The following SEL1L2 variants were observed in gnomAD, a reference collection of about 807,000 sequenced individuals.
The protein encoded by SEL1L2 is protein sel-1 homolog 2.
A neutral mutation model predicts 98.8 loss-of-function variants in SEL1L2; 89 were observed. That is an observed-to-expected ratio of 0.90 (90% CI 0.76 to 1.07). SEL1L2 has a LOEUF of 1.07. Ranked by LOEUF, SEL1L2 falls within the 50% of genes least tolerant of loss-of-function variation. SEL1L2 has a pLI of 0.00. For synonymous variants in SEL1L2, 262 were observed against 278.5 expected, an observed-to-expected ratio of 0.94 and a Z score of 0.59; for missense variants, 788 against 812.0, an observed-to-expected ratio of 0.97 and a Z score of 0.36.
intron 1 of SEL1L2, among the ~76,000 whole-genome samples, chr20:13,983,811 G>A (rs893230910): frequency 3.3e-5 from 5 of 151,692 alleles, no homozygotes; most frequent in African/African-American, 4.8e-5. Flanking sequence ...ATGAACCACT[G>A]TGGCCCGCCA....
chr20:13,949,532 C>T (rs1163362616), intron 2 of SEL1L2, among the ~76,000 whole-genome samples: 1 of 152,112 alleles, frequency 6.6e-6, no homozygotes, highest in Non-Finnish European at 1.5e-5. Flanking sequence ...GGCGTGGTGG[C>T]AGGTGCCTGT....
intron 2 of SEL1L2, among the ~76,000 whole-genome samples, chr20:13,934,101 C>A (rs967562511): frequency 2.0e-5 from 3 of 150,214 alleles, no homozygotes; most frequent in African/African-American, 7.3e-5. Flanking sequence ...AATTTGTAGC[C>A]TTTTATTCCT....
rs182425373 is a variant in SEL1L2 at position 13,926,191 on chromosome 20, C to T, written c.283+5412G>A. 3.2e-4 allele frequency among the ~76,000 whole-genome samples: 48 copies of T among 152,204 alleles called. No homozygotes were observed. In the East Asian group the frequency reaches 5.2e-3, roughly 17 times the overall value. On this transcript the variant is annotated intron_variant, in intron 3 of 19. Coordinates refer to ENST00000284951, the MANE Select transcript of SEL1L2 (RefSeq NM_025229.2). The stretch of plus-strand genomic sequence containing the variant: ...ATTAGCCAGGCGTGGTGCAGGCGCC[C>T]GTAGTCCCAGCTACTCAGGAGGCTG...
chr20:13,976,329 CTG>C (rs1257544632), intron 1 of SEL1L2, among the ~76,000 whole-genome samples: 1 of 151,846 alleles, frequency 6.6e-6, no homozygotes, highest in African/African-American at 2.4e-5. Context: ...TGTTGTTTGT[CTG>C]TTTTTTTAAA....
At chr20:13,923,358 A>T (rs1442881742) in intron 3 of SEL1L2, among the ~76,000 whole-genome samples, 2 of 152,228 alleles carry the variant, frequency 1.3e-5, no homozygotes, top group African/African-American at 4.8e-5. Context: ...ATTTTATTGC[A>T]TTGGGATCAG....
At chr20:13,947,051 G>C (rs945823548) in intron 2 of SEL1L2, among the ~76,000 whole-genome samples, 2 of 152,192 alleles carry the variant, frequency 1.3e-5, no homozygotes, top group South Asian at 4.1e-4. Flanking sequence ...AGGCAGACAG[G>C]CTCCTGGGTG....
rs548473105 is a variant in SEL1L2, at chr20:13,963,699, G to C, written c.59-7568C>G. On this transcript the variant is annotated intron_variant, in intron 1 of 19. Coordinates refer to ENST00000284951, the MANE Select transcript of SEL1L2 (RefSeq NM_025229.2). The stretch of plus-strand genomic sequence containing the variant: ...CCGCTGTACTCCAGCCTGGGAAACA[G>C]AGTGAGACTCCATATCAAAAATAAA... 7.2e-4 allele frequency among the ~76,000 whole-genome samples: 109 copies of C among 152,160 alleles called. 2 individuals are homozygous for C. The highest frequency in any genetic ancestry group is 1.9e-3 in the African/African-American group (77 of 41,516).
chr20:13,880,673 C>T (rs557501960), intron 10 of SEL1L2, among the ~76,000 whole-genome samples: 2 of 152,068 alleles, frequency 1.3e-5, no homozygotes, highest in African/African-American at 2.4e-5. Flanking sequence ...TAACTGAGCA[C>T]CCAACATCAT....
At chr20:13,863,100 T>C (rs1434784756) in intron 17 of SEL1L2, among the ~76,000 whole-genome samples, 2 of 152,150 alleles carry the variant, frequency 1.3e-5, no homozygotes, top group Non-Finnish European at 2.9e-5. Flanking sequence ...ATAAGAATGG[T>C]GCCCAGAAAA....
chr20:13,984,718 T>C (rs1219487205), intron 1 of SEL1L2, among the ~76,000 whole-genome samples: 1 of 152,020 alleles, frequency 6.6e-6, no homozygotes, highest in Admixed American at 6.6e-5. Flanking sequence ...TCCTCTTCTT[T>C]CCTTTTTTCT....
chr20:13,910,522 G>T (rs2048167853), intron 5 of SEL1L2, among the ~76,000 whole-genome samples: 1 of 152,140 alleles, frequency 6.6e-6, no homozygotes, highest in African/African-American at 2.4e-5. Context: ...TTTCTGGTTT[G>T]GGAACCTCTT....
At chr20:13,929,691 G>T (rs1253828384) in intron 3 of SEL1L2, among the ~76,000 whole-genome samples, 1 of 151,482 alleles carries the variant, frequency 6.6e-6, no homozygotes, top group Non-Finnish European at 1.5e-5. Flanking sequence ...TAGCAGAGAC[G>T]GGGTTTCACC....
intron 1 of SEL1L2, 67 bp from the exon 2 acceptor site, chr20:13,956,198 A>T (rs2050533297): frequency 2.6e-6 from 2 of 781,942 alleles, no homozygotes; most frequent in Non-Finnish European, 4.0e-6. Context: ...ACTAAATACA[A>T]TTTATTGTTA....
chr20:13,975,956 A>G (rs2051512268), intron 1 of SEL1L2, among the ~76,000 whole-genome samples: 1 of 152,022 alleles, frequency 6.6e-6, no homozygotes, highest in South Asian at 2.1e-4. Flanking sequence ...CCAAAGTCCC[A>G]AAGTGCTGGG....
chr20:13,983,503 T>G (rs189237703), intron 1 of SEL1L2, among the ~76,000 whole-genome samples: 2 of 152,000 alleles, frequency 1.3e-5, no homozygotes, highest in East Asian at 3.9e-4. Context: ...CACTAGCTTT[T>G]GTTTTTTGTT....
At chr20:13,954,598 T>C (rs1016068594) in intron 2 of SEL1L2, among the ~76,000 whole-genome samples, 2 of 152,196 alleles carry the variant, frequency 1.3e-5, no homozygotes, top group African/African-American at 4.8e-5. Flanking sequence ...AGAATAGTTC[T>C]TAGTTTTCTT....
rs768154220 is a variant in SEL1L2, at chr20:13,915,088, T to C, written c.387-1144A>G. On this transcript the variant is annotated intron_variant, in intron 4 of 19. Coordinates refer to ENST00000284951, the MANE Select transcript of SEL1L2 (RefSeq NM_025229.2). ...AAAAAAACCCCATAAAAATCTACCA[T>C]TGCTTCTGATTTAGGAGGATCAGGA... 4.7e-6 allele frequency: 6 copies of C among 1,269,322 alleles called. No individual in the cohort carries two copies. In the South Asian group the frequency reaches 7.7e-5, roughly 16 times the overall value. The allele number at this position is 1,269,322 out of a possible 1,614,324, so 78.6% of individuals were successfully genotyped here. A position where few individuals can be genotyped will look rare whatever the true frequency, so the allele number is the denominator to read the frequency against.
chr20:13,969,636 T>G (rs2051195764), intron 1 of SEL1L2, among the ~76,000 whole-genome samples: 1 of 152,198 alleles, frequency 6.6e-6, no homozygotes, highest in Admixed American at 6.5e-5. Context: ...AGTATCCTCC[T>G]ACCCCATATG....
At chr20:13,910,134 A>G (rs767303500) in intron 5 of SEL1L2, among the ~76,000 whole-genome samples, 64 of 152,214 alleles carry the variant, frequency 4.2e-4, no homozygotes, top group Non-Finnish European at 8.1e-4. Context: ...GTATCTAAGT[A>G]AATATCCCCA....
Sources: gnomAD v4.1 joint callset for allele counts (sites outside exome capture counted in the v4.1 genomes callset) on GRCh38, gnomAD v4.1.1 for gene constraint, MANE v1.5 for transcripts, NCBI Gene and HGNC (gene_info 2026-07-23, HGNC 2026-07-21) for gene names.